QKI: variants seen among roughly 807,000 people sequenced by gnomAD.
QKI encodes the protein KH domain-containing RNA-binding protein QKI.
Under a neutral mutation model 39.0 loss-of-function variants are expected in QKI, and 10 were observed. The ratio of observed to expected loss-of-function variants is 0.26; its 90% CI spans 0.16 to 0.43. The LOEUF (loss-of-function observed/expected upper bound fraction) is 0.43. Among genes scored for constraint, QKI ranks in the 20% least tolerant of loss-of-function variants. The pLI is 1.00. For synonymous variants in QKI, 204 were observed against 155.4 expected (o/e 1.31, Z -2.33); for missense variants, 218 against 428.0 (o/e 0.51, Z 4.33).
chr6:163,432,490 C>G (rs1788912006), intron 1 of QKI, among the ~76,000 whole-genome samples: 1 of 151,000 alleles, frequency 6.6e-6, no homozygotes, highest in Non-Finnish European at 1.5e-5. Flanking sequence ...AACTCCTGGG[C>G]TCAAGCGATC....
intron 3 of QKI, among the ~76,000 whole-genome samples, chr6:163,488,201 C>G (rs1000573105): frequency 4.6e-5 from 7 of 152,046 alleles, no homozygotes; most frequent in Non-Finnish European, 1.0e-4. Flanking sequence ...CAACATAATC[C>G]TAGTAGATGG....
At chr6:163,461,420 A>G (rs186546046) in intron 2 of QKI, among the ~76,000 whole-genome samples, 2 of 152,320 alleles carry the variant, frequency 1.3e-5, no homozygotes, top group South Asian at 2.1e-4. Context: ...ATATTTTAGT[A>G]TTTGATAGGA....
chr6:163,420,079 C>T (rs989092051), intron 1 of QKI, among the ~76,000 whole-genome samples: 10 of 151,106 alleles, frequency 6.6e-5, no homozygotes, highest in African/African-American at 1.7e-4. Flanking sequence ...TTGACCTGGC[C>T]TTCACCGAAG....
intron 1 of QKI, among the ~76,000 whole-genome samples, chr6:163,431,939 G>T (rs1788868858): frequency 6.6e-6 from 1 of 151,794 alleles, no homozygotes; most frequent in Non-Finnish European, 1.5e-5. Flanking sequence ...CTTTACAAAG[G>T]ATATGAATAC....
intron 1 of QKI, among the ~76,000 whole-genome samples, chr6:163,416,107 C>T (rs1787462712): frequency 6.7e-6 from 1 of 150,146 alleles, no homozygotes; most frequent in Non-Finnish European, 1.5e-5. Context: ...CGGAGCGCAG[C>T]CTGAGTTAGA....
Position 163,563,578 on chromosome 6 carries a change from A to G in QKI, c.793A>G (p.Asn265Asp). The change falls in exon 6 of 8, where the codon AAC becomes GAC. Residue 265 changes from asparagine to aspartate, a missense_variant. Physicochemically the swap from Asn to Asp is conservative, Grantham distance 23 (BLOSUM62 1). This residue lies in a region of QKI where 117 missense variants were observed against 186.0 expected (regional missense o/e 0.63). Coordinates refer to ENST00000361752, the MANE Select transcript of QKI (RefSeq NM_006775.3). ...IRQIQTAVMPNGTPHPTAAIV... is the reference protein window; with the variant it reads ...IRQIQTAVMPDGTPHPTAAIV... Reference sequence around the variant, plus strand: ...ACAAATACAGACCGCTGTCATGCCAAACGGAACTCCTCACCCAACTGCTGC... The same window carrying G: ...ACAAATACAGACCGCTGTCATGCCAGACGGAACTCCTCACCCAACTGCTGC... The G allele has an allele frequency of 6.2e-7, 1 of 1,614,150 alleles. No individual in the cohort carries two copies. Among genetic ancestry groups the G allele is most frequent in the Non-Finnish European group, 8.5e-7 (1 of 1,180,036 alleles).
intron 3 of QKI, among the ~76,000 whole-genome samples, chr6:163,479,764 A>G (rs1562473382): frequency 6.6e-6 from 1 of 152,370 alleles, no homozygotes; most frequent in East Asian, 1.9e-4. Context: ...GGAAGCTGCC[A>G]GTTTGGAAAT....
chr6:163,487,793 T>A, intron 3 of QKI, among the ~76,000 whole-genome samples: 1 of 152,192 alleles, frequency 6.6e-6, no homozygotes, highest in East Asian at 1.9e-4. Context: ...TGAAAGAATA[T>A]TTCATAACTA....
intron 6 of QKI, chr6:163,564,360 A>G (rs1377466180): frequency 8.6e-7 from 1 of 1,161,798 alleles, no homozygotes; most frequent in Non-Finnish European, 1.1e-6. Context: ...TGGTATAGCC[A>G]TTATAATCTT....
intron 3 of QKI, among the ~76,000 whole-genome samples, chr6:163,518,360 G>C (rs1234605248): frequency 1.3e-5 from 2 of 152,122 alleles, no homozygotes; most frequent in East Asian, 1.9e-4. Context: ...TTTGTAGTCA[G>C]GATGGACAGA....
In QKI at chr6:163,512,912, A is replaced by G. The variant is rs117872936; in HGVS notation, c.403-22070A>G. On this transcript the variant is annotated intron_variant, in intron 3 of 7. Transcript: ENST00000361752. ...TAGAGTAGATTAAAAGCAAAGAGGA[A>G]AAATTAATAAATAGAAAATGTATTG... 9.2e-5 allele frequency among the ~76,000 whole-genome samples: 14 copies of G among 152,264 alleles called. No homozygotes were observed. In the East Asian group the frequency reaches 2.7e-3, roughly 29 times the overall value.
rs75774121 is a variant in QKI at position 163,526,949 on chromosome 6, C to G, written c.403-8033C>G. On this transcript the variant is annotated intron_variant, in intron 3 of 7. Transcript: ENST00000361752. ...ACCTGGCAGTCAATAAGTACTGTGT[C>G]TGTAGGAGATAGATGTTACAGTCCT... is the stretch of plus-strand genomic sequence containing the variant. Among the ~76,000 whole-genome samples, 1,234 of 152,206 alleles carry G rather than the reference C, an allele frequency of 8.1e-3. 18 individuals carry two copies. Among genetic ancestry groups the G allele is most frequent in the African/African-American group, 0.028 (1,163 of 41,522 alleles).
At chr6:163,552,967 GTA>G (rs1310621947) in intron 4 of QKI, among the ~76,000 whole-genome samples, 4 of 150,862 alleles carry the variant, frequency 2.7e-5, no homozygotes, top group Non-Finnish European at 5.9e-5. Context: ...GCCACAGTGG[GTA>G]TACTTTTCTT....
chr6:163,560,799 C>G (rs1035678777), intron 4 of QKI, among the ~76,000 whole-genome samples: 3 of 152,126 alleles, frequency 2.0e-5, no homozygotes, highest in Non-Finnish European at 4.4e-5. Flanking sequence ...ATTAATCTGG[C>G]CTTTGTGTAG....
chr6:163,521,531 T>C (rs1289763719), intron 3 of QKI, among the ~76,000 whole-genome samples: 3 of 152,118 alleles, frequency 2.0e-5, no homozygotes, highest in Admixed American at 1.3e-4. Context: ...CAGTTAGATA[T>C]ATATTTTTTG....
At chr6:163,421,257 C>G (rs772272690) in intron 1 of QKI, among the ~76,000 whole-genome samples, 5 of 152,122 alleles carry the variant, frequency 3.3e-5, no homozygotes, top group Non-Finnish European at 5.9e-5. Context: ...CTTAATTTTA[C>G]TTTACTGTCA....
intron 3 of QKI, among the ~76,000 whole-genome samples, chr6:163,513,969 C>T (rs1779641637): frequency 6.6e-6 from 1 of 152,038 alleles, no homozygotes; most frequent in Admixed American, 6.5e-5. Context: ...AAGAGGAGCC[C>T]AGGGCCAAGG....
chr6:163,565,647 G>T, intron 6 of QKI: 1 of 1,057,176 alleles, frequency 9.5e-7, no homozygotes, highest in Non-Finnish European at 1.1e-6. Flanking sequence ...AATAATAAGT[G>T]CCCAATGAAA....
chr6:163,416,515 T>A (rs1179778959), intron 1 of QKI: 1 of 152,152 alleles, frequency 6.6e-6, no homozygotes, highest in Admixed American at 6.6e-5. Context: ...GGAGTTTAGA[T>A]TTTTCGCAAG....
Sources: allele counts gnomAD v4.1 joint callset (sites outside exome capture counted in the v4.1 genomes callset), GRCh38; gene constraint gnomAD v4.1.1; regional missense constraint gnomAD v4.1.1; transcripts MANE v1.5; gene names NCBI Gene and HGNC (gene_info 2026-07-23, HGNC 2026-07-21).